The following RBFOX1 variants were observed in gnomAD, a reference collection of about 807,000 sequenced individuals.
The protein encoded by RBFOX1 is RNA binding protein fox-1 homolog 1.
Under a neutral mutation model 57.7 loss-of-function variants are expected in RBFOX1, and 8 were observed. The observed-to-expected ratio is 0.14, with a 90% CI of 0.08 to 0.25. RBFOX1 has a LOEUF of 0.25. Ranked by LOEUF, RBFOX1 falls within the 10% of genes least tolerant of loss-of-function variation. RBFOX1 has a pLI of 1.00. For missense variants in RBFOX1, 611 were observed against 548.5 expected (o/e 1.11, Z -1.14); for synonymous variants, 326 against 222.4 (o/e 1.47, Z -4.15).
At chr16:6,659,975 A>G (rs2098690807) in intron 3 of RBFOX1, among the ~76,000 whole-genome samples, 1 of 152,136 alleles carries the variant, frequency 6.6e-6, no homozygotes, top group South Asian at 2.1e-4. Context: ...TCATGCCTGT[A>G]ATCCCAGCAC....
intron 1 of RBFOX1, among the ~76,000 whole-genome samples, chr16:5,392,424 T>C (rs1157324687): frequency 6.6e-6 from 1 of 152,160 alleles, no homozygotes; most frequent in Non-Finnish European, 1.5e-5. Context: ...GAGGTAATAC[T>C]TGGATATCTT....
At chr16:7,604,013 G>A (rs142243481) in intron 9 of RBFOX1, among the ~76,000 whole-genome samples, 2 of 152,280 alleles carry the variant, frequency 1.3e-5, no homozygotes, top group African/African-American at 4.8e-5. Context: ...TTGGTCTGCA[G>A]TGGTGGCAAT....
At chr16:6,658,927 G>GTTTTTTTGTTTTTTT (rs1568088702) in intron 3 of RBFOX1, among the ~76,000 whole-genome samples, 20 of 124,884 alleles carry the variant, frequency 1.6e-4, no homozygotes, top group Non-Finnish European at 2.7e-4. Flanking sequence ...TTTGTTTTTT[G>GTTTTTTTGTTTTTTT]GTTTTTTTGT....
At chr16:7,252,175 T>C (rs2094520970) in intron 4 of RBFOX1, among the ~76,000 whole-genome samples, 1 of 152,232 alleles carries the variant, frequency 6.6e-6, no homozygotes, top group Non-Finnish European at 1.5e-5. Flanking sequence ...TCTTACATCA[T>C]CAAAAAGGAG....
intron 4 of RBFOX1, among the ~76,000 whole-genome samples, chr16:7,475,121 G>A (rs974563106): frequency 4.6e-5 from 7 of 152,132 alleles, no homozygotes; most frequent in Admixed American, 3.3e-4. Flanking sequence ...TCATGGCCCC[G>A]AGCTTTTCTG....
rs377725562 is a variant in RBFOX1, at chr16:7,428,956, C to T, written c.28-89191C>T. ...AAGTACAACACAGTACAATGCCTGG[C>T]GCTCTGCAAAGAAAAAAAGTGTATC... On this transcript the variant is annotated intron_variant, in intron 4 of 15. Coordinates refer to ENST00000550418, the MANE Select transcript of RBFOX1 (RefSeq NM_018723.4). 7.2e-5 allele frequency among the ~76,000 whole-genome samples: 11 copies of T among 151,930 alleles called. No individual in the cohort carries two copies. The South Asian group carries it at 8.3e-4, about 12-fold the overall frequency.
intron 1 of RBFOX1, among the ~76,000 whole-genome samples, chr16:6,138,218 C>G (rs2096683225): frequency 6.6e-6 from 1 of 152,240 alleles, no homozygotes; most frequent in South Asian, 2.1e-4. Context: ...TGCCCAGCCA[C>G]ACCCTGCACT....
At chr16:5,560,151 G>A (rs1272065281) in intron 2 of RBFOX1, among the ~76,000 whole-genome samples, 1 of 152,116 alleles carries the variant, frequency 6.6e-6, no homozygotes, top group African/African-American at 2.4e-5. Context: ...GCACATGCCT[G>A]ACAGTCTCTT....
chr16:5,723,701 G>A (rs1182332968), intron 3 of RBFOX1, among the ~76,000 whole-genome samples: 2 of 151,852 alleles, frequency 1.3e-5, no homozygotes, highest in South Asian at 2.1e-4. Flanking sequence ...AACAGTGGCA[G>A]TCTCAGGCTT....
intron 4 of RBFOX1, among the ~76,000 whole-genome samples, chr16:5,926,136 A>C (rs747372102): frequency 1.3e-5 from 2 of 152,226 alleles, no homozygotes; most frequent in Non-Finnish European, 2.9e-5. Flanking sequence ...TATCTCTTCC[A>C]GTGAAAAGGG....
At chr16:5,262,994 T>C (rs1468172522) in intron 1 of RBFOX1, among the ~76,000 whole-genome samples, 1 of 152,118 alleles carries the variant, frequency 6.6e-6, no homozygotes, top group Non-Finnish European at 1.5e-5. Context: ...TCTGAAGTTA[T>C]CTTTCTGGGG....
At chr16:7,137,269 C>G (rs1016519003) in intron 4 of RBFOX1, among the ~76,000 whole-genome samples, 1 of 152,162 alleles carries the variant, frequency 6.6e-6, no homozygotes, top group Non-Finnish European at 1.5e-5. Context: ...CTGACCAGCA[C>G]AGGTGATACG....
intron 1 of RBFOX1, among the ~76,000 whole-genome samples, chr16:5,302,398 A>G (rs951983153): frequency 2.0e-5 from 3 of 152,230 alleles, no homozygotes; most frequent in African/African-American, 7.2e-5. Flanking sequence ...ACTTGAAAAG[A>G]ATGTGTATTC....
intron 2 of RBFOX1, among the ~76,000 whole-genome samples, chr16:6,497,183 T>A (rs566027573): frequency 1.4e-3 from 206 of 152,252 alleles, no homozygotes; most frequent in African/African-American, 4.3e-3. Context: ...ACAGGCCGAC[T>A]AAACCCACAA....
At chr16:5,742,276 C>T (rs533029160) in intron 3 of RBFOX1, among the ~76,000 whole-genome samples, 2 of 148,108 alleles carry the variant, frequency 1.4e-5, no homozygotes, top group African/African-American at 5.0e-5. Flanking sequence ...TCCTTTCTTC[C>T]TCCCTCCCTC....
intron 4 of RBFOX1, among the ~76,000 whole-genome samples, chr16:7,139,730 T>A (rs2073131513): frequency 1.3e-5 from 2 of 151,968 alleles, no homozygotes; most frequent in East Asian, 3.9e-4. Flanking sequence ...CATGAAGAGG[T>A]TGAAGACTGA....
chr16:6,267,053 G>A (rs994556718), intron 1 of RBFOX1, among the ~76,000 whole-genome samples: 2 of 152,042 alleles, frequency 1.3e-5, no homozygotes, highest in Non-Finnish European at 1.5e-5. Context: ...AGTGAAAAGC[G>A]GTATCCACCT....
At chr16:7,491,365 T>C (rs1304625983) in intron 4 of RBFOX1, among the ~76,000 whole-genome samples, 2 of 99,928 alleles carry the variant, frequency 2.0e-5, no homozygotes, top group South Asian at 5.2e-4. Context: ...AAGGGACTCT[T>C]CTTGGGTTTT....
chr16:7,432,582 C>T (rs1039130710), intron 4 of RBFOX1, among the ~76,000 whole-genome samples: 1 of 152,208 alleles, frequency 6.6e-6, no homozygotes, highest in Non-Finnish European at 1.5e-5. Context: ...CATCTGGTCT[C>T]TGTCACAACT....
Sources: gnomAD v4.1 joint callset for allele counts (sites outside exome capture counted in the v4.1 genomes callset) on GRCh38, gnomAD v4.1.1 for gene constraint, MANE v1.5 for transcripts, NCBI Gene and HGNC (gene_info 2026-07-23, HGNC 2026-07-21) for gene names.